Variants in CCDC80 observed in about 807,000 individuals in gnomAD.
CCDC80 encodes the protein coiled-coil domain-containing protein 80.
Under a neutral mutation model 78.7 loss-of-function variants are expected in CCDC80, and 49 were observed. The ratio of observed to expected loss-of-function variants is 0.62; its 90% CI spans 0.50 to 0.79. CCDC80 has a LOEUF of 0.79. Among genes scored for constraint, CCDC80 ranks in the 30% least tolerant of loss-of-function variants. The probability of loss-of-function intolerance (pLI) is 0.00; values close to 1 mark genes in which losing one functional copy is unlikely to be tolerated. For synonymous variants in CCDC80, 488 were observed against 447.0 expected (o/e 1.09, Z -1.16); for missense variants, 1,205 against 1,198.6 (o/e 1.01, Z -0.08).
At position 112,605,654 on chromosome 3, in the gene CCDC80, G is replaced by A. The variant is rs777722433; in HGVS notation, c.2616C>T (p.Asp872=). The change falls in exon 8 of 8, where the codon GAC becomes GAT. Residue 872 remains aspartate, a synonymous_variant. Coordinates refer to ENST00000206423, the MANE Select transcript of CCDC80 (RefSeq NM_199511.3). ...AAGGATACCAGGATTTGACATTTCC[G>A]TCTTTTCCGACTAGAAGCATGGAGA... ...EYFSMLLVGK[D]GNVKSWYPSP... 5 of 1,614,172 alleles carry A rather than the reference G, an allele frequency of 3.1e-6. No individual in the cohort carries two copies. Among genetic ancestry groups the A allele is most frequent in the South Asian group, 2.2e-5 (2 of 91,082 alleles).
At chr3:112,634,636 T>TTTACCAC (rs1244073683) in intron 2 of CCDC80, among the ~76,000 whole-genome samples, 2 of 152,216 alleles carry the variant, frequency 1.3e-5, no homozygotes, top group Non-Finnish European at 2.9e-5. Context: ...TTAGCAATCA[T>TTTACCAC]TTACCACTTA....
In CCDC80 at chr3:112,610,501, G is replaced by T. The variant is rs533505805; in HGVS notation, c.2322-420C>A. Among the ~76,000 whole-genome samples the T allele has an allele frequency of 4.6e-5, 7 of 152,282 alleles. No homozygotes were observed. In the South Asian group the frequency reaches 1.4e-3, roughly 32 times the overall value. On this transcript the variant is annotated intron_variant, in intron 5 of 7. Coordinates refer to ENST00000206423, the MANE Select transcript of CCDC80 (RefSeq NM_199511.3). ...TAGAGTTTAGAGGGGGTTAAGAAAT[G>T]AATATACGGAAAGGAGATAGAGTAG...
At position 112,603,348 on chromosome 3, in the gene CCDC80, C is replaced by T. The variant is rs1403567777; in HGVS notation, c.*2069G>A. On this transcript the variant is annotated 3_prime_UTR_variant, in exon 8 of 8. Coordinates refer to ENST00000206423, the MANE Select transcript of CCDC80 (RefSeq NM_199511.3). Reference sequence around the variant, plus strand: ...TGACTAACATGGTGAAACCCCATCTCTACTAAAAATACAAAAATAAGCTGG... The same window carrying T: ...TGACTAACATGGTGAAACCCCATCTTTACTAAAAATACAAAAATAAGCTGG... 3.3e-5 allele frequency: 5 copies of T among 151,682 alleles called. No homozygotes were observed. Among genetic ancestry groups the T allele is most frequent in the African/African-American group, 9.7e-5 (4 of 41,280 alleles). 9.4% of individuals were successfully genotyped at this position (151,682 alleles called of 1,614,324 possible).
chr3:112,637,649 T>G (rs750130108), intron 2 of CCDC80, among the ~76,000 whole-genome samples: 5 of 152,248 alleles, frequency 3.3e-5, no homozygotes, highest in Non-Finnish European at 7.3e-5. Context: ...TCATCTTTCT[T>G]TTCATCCTTT....
chr3:112,605,797 A>G (rs1935475077), intron 7 of CCDC80, 34 bp from the exon 8 acceptor site: 1 of 1,548,164 alleles, frequency 6.5e-7, no homozygotes, highest in Non-Finnish European at 8.8e-7. Flanking sequence ...TTGTTAGTAG[A>G]TTAAACAGTC....
chr3:112,614,798 G>A (rs546665998), intron 5 of CCDC80, among the ~76,000 whole-genome samples: 7 of 152,268 alleles, frequency 4.6e-5, no homozygotes, highest in South Asian at 4.1e-4. Context: ...AAGATAAGAC[G>A]ATAGATTTGG....
chr3:112,622,731 T>C (rs1230459104), intron 3 of CCDC80, among the ~76,000 whole-genome samples: 6 of 151,980 alleles, frequency 3.9e-5, no homozygotes, highest in Admixed American at 6.6e-5. Flanking sequence ...TCTTGGCTCA[T>C]TGCAACCTCT....
At chr3:112,630,374 T>G (rs1936074661) in intron 2 of CCDC80, 105 bp from the exon 3 acceptor site, 5 of 1,080,458 alleles carry the variant, frequency 4.6e-6, no homozygotes, top group Non-Finnish European at 6.9e-6. Context: ...AGTGACTGCA[T>G]CTAAGCTACA....
At chr3:112,634,546 TTGAC>T in intron 2 of CCDC80, among the ~76,000 whole-genome samples, 1 of 152,308 alleles carries the variant, frequency 6.6e-6, no homozygotes, top group South Asian at 2.1e-4. Context: ...TCTATTGTTT[TTGAC>T]TGACTGTTTG....
Position 112,638,329 on chromosome 3 carries a change from ACCTGCAGCTCGTCCT to A in CCDC80, c.1562_1576del (p.Glu521_Gln525del), listed in dbSNP as rs1179450997. The A allele has an allele frequency of 1.2e-6, 2 of 1,613,862 alleles. No homozygotes were observed. Among genetic ancestry groups the A allele is most frequent in the Non-Finnish European group, 1.7e-6 (2 of 1,180,006 alleles). ...TGCTTTTTTAAGGGGAACATTCCCC[ACCTGCAGCTCGTCCT>A]CCAGCTGAGAGGCAGTAGGCCGGCT... is the stretch of plus-strand genomic sequence containing the variant. On this transcript the variant is annotated inframe_deletion, in exon 2 of 8. Coordinates refer to ENST00000206423, the MANE Select transcript of CCDC80 (RefSeq NM_199511.3).
At position 112,600,483 on chromosome 3, in the gene CCDC80, G is replaced by A. The variant is rs1166085534; in HGVS notation, c.*4934C>T. 1 of 152,064 alleles carries A rather than the reference G, an allele frequency of 6.6e-6. No homozygotes were observed. Among genetic ancestry groups the A allele is most frequent in the African/African-American group, 2.4e-5 (1 of 41,396 alleles). 9.4% of individuals were successfully genotyped at this position (152,064 alleles called of 1,614,324 possible). A position where few individuals can be genotyped will look rare whatever the true frequency, so the allele number is the denominator to read the frequency against. On this transcript the variant is annotated 3_prime_UTR_variant, in exon 8 of 8. Transcript: ENST00000206423. ...TCCTATCTAATTCATTTTCTTGGGA[G>A]ATGAAACTCCCTCTTTTTTTTGGTG...
At chr3:112,617,702 C>CT (rs35071343) in intron 4 of CCDC80, among the ~76,000 whole-genome samples, 1 of 152,174 alleles carries the variant, frequency 6.6e-6, no homozygotes, top group African/African-American at 2.4e-5. Flanking sequence ...CATAGACAGC[C>CT]TTTTTTTCCC....
intron 2 of CCDC80, among the ~76,000 whole-genome samples, chr3:112,634,844 A>G (rs1221311032): frequency 6.6e-6 from 1 of 152,252 alleles, no homozygotes; most frequent in Admixed American, 6.5e-5. Flanking sequence ...CAACTCAAAC[A>G]GATCTGAATT....
chr3:112,605,535 C>T lies in CCDC80; in HGVS notation c.2735G>A (p.Arg912His), dbSNP rs972268922. 5 of 1,613,986 alleles carry T rather than the reference C, an allele frequency of 3.1e-6. No individual in the cohort carries two copies. Among genetic ancestry groups the T allele is most frequent in the Non-Finnish European group, 3.4e-6 (4 of 1,180,014 alleles). Residue 912 changes from arginine (R) to histidine (H), a missense_variant, in exon 8 of 8, where the codon CGC becomes CAC. Physicochemically the swap from Arg to His is conservative, Grantham distance 29. Transcript: ENST00000206423. ...EMAIQQSLGM[R>H]CPEDEYAGYG... ...GCCTGCATACTCATCTTCTGGGCAG[C>T]GCATCCCCAGTGACTGCTGAATCGC... is the stretch of plus-strand genomic sequence containing the variant.
At chr3:112,611,989 C>T (rs944372447) in intron 5 of CCDC80, among the ~76,000 whole-genome samples, 2 of 151,140 alleles carry the variant, frequency 1.3e-5, no homozygotes, top group African/African-American at 4.9e-5. Flanking sequence ...GGATGCCTGC[C>T]GCAAGGCTCG....
chr3:112,610,110 T>C, intron 5 of CCDC80, 29 bp from the exon 6 acceptor site: 1 of 1,571,408 alleles, frequency 6.4e-7, no homozygotes, highest in Non-Finnish European at 8.8e-7. Context: ...ACACCATTAC[T>C]GCTTACTGCT....
chr3:112,606,748 G>A (rs1036920318), intron 7 of CCDC80, among the ~76,000 whole-genome samples: 1 of 151,550 alleles, frequency 6.6e-6, no homozygotes, highest in African/African-American at 2.4e-5. Flanking sequence ...TAGTGTATGT[G>A]TCTTTCAGCT....
intron 5 of CCDC80, among the ~76,000 whole-genome samples, chr3:112,615,809 A>G (rs913818742): frequency 2.0e-5 from 3 of 152,182 alleles, no homozygotes; most frequent in African/African-American, 4.8e-5. Flanking sequence ...ATGACAGTTT[A>G]CAAACGCCAT....
chr3:112,635,016 G>A (rs76620384), intron 2 of CCDC80, among the ~76,000 whole-genome samples: 15 of 152,242 alleles, frequency 9.9e-5, no homozygotes, highest in Non-Finnish European at 2.1e-4. Context: ...GCCCTTCTTC[G>A]TCAACAGGTT....
Sources: allele counts gnomAD v4.1 joint callset (sites outside exome capture counted in the v4.1 genomes callset), GRCh38; gene constraint gnomAD v4.1.1; transcripts MANE v1.5; gene names NCBI Gene and HGNC (gene_info 2026-07-23, HGNC 2026-07-21).